Variants in ELFN2 observed in about 807,000 individuals in gnomAD.
The protein encoded by ELFN2 is extracellular leucine rich repeat and fibronectin type III domain containing 2.
In ELFN2, 17 loss-of-function variants were observed where a neutral mutation model predicts 45.5. The observed-to-expected ratio is 0.37, with a 90% CI of 0.26 to 0.56. ELFN2 has a LOEUF of 0.56. Among genes scored for constraint, ELFN2 ranks in the 20% least tolerant of loss-of-function variants. The pLI, the probability that ELFN2 is intolerant of heterozygous loss-of-function variation, is 0.77. For synonymous variants in ELFN2, 550 were observed against 551.5 expected (o/e 1.00, Z 0.04); for missense variants, 922 against 1,183.2 (o/e 0.78, Z 3.24).
intron 1 of ELFN2, among the ~76,000 whole-genome samples, chr22:37,345,386 C>T (rs1930671951): frequency 1.3e-5 from 2 of 152,284 alleles, no homozygotes; most frequent in South Asian, 4.1e-4. Flanking sequence ...CAAGTCGCTC[C>T]ACTTCTCTGA....
Position 37,373,016 on chromosome 22 carries a change from C to T in ELFN2, c.*56G>A, listed in dbSNP as rs1931419910. 6.6e-7 allele frequency: 1 copy of T among 1,526,188 alleles called. No individual in the cohort carries two copies. Among genetic ancestry groups the T allele is most frequent in the Non-Finnish European group, 8.8e-7 (1 of 1,138,048 alleles). 94.5% of individuals were successfully genotyped at this position (1,526,188 alleles called of 1,614,324 possible). ...CCCCGCCCTGGCCGCCTGGACCCTTCCCCCAAAAGGCCCCCAGCCCTCTGG... is the reference window on the plus strand; with the variant it reads ...CCCCGCCCTGGCCGCCTGGACCCTTTCCCCAAAAGGCCCCCAGCCCTCTGG... On this transcript the variant is annotated 3_prime_UTR_variant, in exon 3 of 3. Coordinates refer to ENST00000402918, the MANE Select transcript of ELFN2 (RefSeq NM_052906.5).
At chr22:37,421,807 G>A (rs536375273) in intron 1 of ELFN2, among the ~76,000 whole-genome samples, 26 of 152,208 alleles carry the variant, frequency 1.7e-4, no homozygotes, top group Admixed American at 3.9e-4. Context: ...GACATGAAGT[G>A]GGAGAAATAA....
intron 2 of ELFN2, among the ~76,000 whole-genome samples, chr22:37,396,272 C>T (rs1423721366): frequency 6.6e-6 from 1 of 152,230 alleles, no homozygotes; most frequent in African/African-American, 2.4e-5. Flanking sequence ...TGAAAGTGAG[C>T]TAACACTCCT....
chr22:37,361,649 C>A (rs1320021207), intron 1 of ELFN2, among the ~76,000 whole-genome samples: 2 of 152,134 alleles, frequency 1.3e-5, no homozygotes, highest in Non-Finnish European at 2.9e-5. Flanking sequence ...AACTCAGAGC[C>A]CAGGCCTATC....
intron 1 of ELFN2, among the ~76,000 whole-genome samples, chr22:37,426,632 C>T (rs938624109): frequency 1.5e-5 from 2 of 132,572 alleles, no homozygotes; most frequent in South Asian, 2.3e-4. Context: ...CACTGGCACG[C>T]GCTCGCACAC....
chr22:37,372,906 C>T lies in ELFN2; in HGVS notation c.*166G>A, dbSNP rs1025931885. 9 of 676,380 alleles carry T rather than the reference C, an allele frequency of 1.3e-5. No homozygotes were observed. Among genetic ancestry groups the T allele is most frequent in the Middle Eastern group, 4.0e-4 (1 of 2,472 alleles). The allele number at this position is 676,380 out of a possible 1,614,324, so 41.9% of individuals were successfully genotyped here. On this transcript the variant is annotated 3_prime_UTR_variant, in exon 3 of 3. Transcript: ENST00000402918. This position sits in a 1 kb window ranked among gnomAD's most constrained non-coding sequence, Gnocchi z 4.4. ...TGTCGGATGTTGGTTTGTTCACAGT[C>T]GGGTGGTGGTCAGGTGTGTGTGTGC...
At chr22:37,415,635 G>A (rs1932752223) in intron 2 of ELFN2, among the ~76,000 whole-genome samples, 1 of 152,214 alleles carries the variant, frequency 6.6e-6, no homozygotes, top group Non-Finnish European at 1.5e-5. Context: ...TTCCCTACGC[G>A]TGTCAGGAAA....
Position 37,349,334 on chromosome 22 carries a change from C to G in ELFN2, n.149-6631G>C, listed in dbSNP as rs1339730348. ...ACAGGGGCAGGTAGAAGAGAGGCAC[C>G]CGTGCACAAGGCCCAGCCCTGGGGA... On this transcript the variant is annotated intron_variant and non_coding_transcript_variant, in intron 1 of 2. Transcript: ENST00000452946. 5.3e-5 allele frequency among the ~76,000 whole-genome samples: 8 copies of G among 151,244 alleles called. No homozygotes were observed. In the East Asian group the frequency reaches 1.4e-3, roughly 26 times the overall value.
At chr22:37,363,279 T>C (rs1931129622), downstream of ELFN2, among the ~76,000 whole-genome samples, 1 of 152,160 alleles carries the variant, frequency 6.6e-6, no homozygotes, top group Admixed American at 6.5e-5. Flanking sequence ...TTCACAGCCA[T>C]GGTGCTTAAC....
intron 1 of ELFN2, among the ~76,000 whole-genome samples, chr22:37,356,774 C>T (rs761471610): frequency 2.0e-5 from 3 of 152,200 alleles, no homozygotes; most frequent in Admixed American, 6.5e-5. Flanking sequence ...ACTTTGTCCA[C>T]GTTCCCACAG....
At chr22:37,389,122 G>A (rs534600520) in intron 2 of ELFN2, among the ~76,000 whole-genome samples, 1 of 152,292 alleles carries the variant, frequency 6.6e-6, no homozygotes, top group South Asian at 2.1e-4. Flanking sequence ...GCCTGGCACA[G>A]TGCAGGTGCT....
At position 37,368,985 on chromosome 22, in the gene ELFN2, C is replaced by T. The variant is rs1239409382; in HGVS notation, c.*4087G>A. 1.3e-5 allele frequency: 2 copies of T among 151,706 alleles called. No homozygotes were observed. Among genetic ancestry groups the T allele is most frequent in the Non-Finnish European group, 2.9e-5 (2 of 67,960 alleles). The allele number at this position is 151,706 out of a possible 1,614,324, so 9.4% of individuals were successfully genotyped here. ...ATGCTCCCTGACCAGCCTTGCCCCT[C>T]CCCCATCACCCTATTTTAATTTTCT... is the stretch of plus-strand genomic sequence containing the variant. On this transcript the variant is annotated 3_prime_UTR_variant, in exon 3 of 3. Transcript: ENST00000402918.
At chr22:37,348,507 G>A (rs55744577) in intron 1 of ELFN2, among the ~76,000 whole-genome samples, 21,637 of 150,634 alleles carry the variant, frequency 0.14, 2,556 homozygotes, top group East Asian at 0.26. Flanking sequence ...CCTTCCTGGA[G>A]TGTCTCCGAG....
In ELFN2 at chr22:37,370,913, C is replaced by T. The variant is rs898863185; in HGVS notation, c.*2159G>A. On this transcript the variant is annotated 3_prime_UTR_variant, in exon 3 of 3. Coordinates refer to ENST00000402918, the MANE Select transcript of ELFN2 (RefSeq NM_052906.5). ...ATAACAGGGAGTCTGCTTCCTCACA[C>T]CCCTGGCTTCTCTGCCTGCTTGCTT... is the stretch of plus-strand genomic sequence containing the variant. 2 of 151,854 alleles carry T rather than the reference C, an allele frequency of 1.3e-5. No individual in the cohort carries two copies. Among genetic ancestry groups the T allele is most frequent in the South Asian group, 4.2e-4 (2 of 4,774 alleles). 9.4% of individuals were successfully genotyped at this position (151,854 alleles called of 1,614,324 possible).
chr22:37,394,551 C>T (rs573595721), intron 2 of ELFN2, among the ~76,000 whole-genome samples: 2 of 152,314 alleles, frequency 1.3e-5, no homozygotes, highest in East Asian at 1.9e-4. Context: ...CCCCGTGGAC[C>T]GTCAGGGGGC....
intron 2 of ELFN2, among the ~76,000 whole-genome samples, chr22:37,396,348 C>T (rs1445620010): frequency 6.6e-6 from 1 of 152,188 alleles, no homozygotes; most frequent in Non-Finnish European, 1.5e-5. Context: ...CCCACCATGT[C>T]CCCGGCCCCC....
chr22:37,388,606 G>A (rs1265980133), intron 2 of ELFN2, among the ~76,000 whole-genome samples: 2 of 152,184 alleles, frequency 1.3e-5, no homozygotes, highest in African/African-American at 4.8e-5. Flanking sequence ...GCTCCCTGGG[G>A]AAGTCGGGGA....
At chr22:37,381,350 G>A (rs543477921) in intron 2 of ELFN2, among the ~76,000 whole-genome samples, 2 of 152,186 alleles carry the variant, frequency 1.3e-5, no homozygotes, top group Admixed American at 1.3e-4. Flanking sequence ...AGGGGGAGTT[G>A]TCCACAAGCC....
At chr22:37,410,232 CAG>C (rs766696800) in intron 2 of ELFN2, among the ~76,000 whole-genome samples, 15 of 152,166 alleles carry the variant, frequency 9.9e-5, no homozygotes, top group Non-Finnish European at 1.6e-4. Context: ...GAGAGAGAAA[CAG>C]AACGAATGAG....
Sources: gnomAD v4.1 joint callset for allele counts (sites outside exome capture counted in the v4.1 genomes callset) on GRCh38, gnomAD v4.1.1 for gene constraint, Gnocchi (gnomAD v3.1) non-coding constraint, MANE v1.5 for transcripts, NCBI Gene and HGNC (gene_info 2026-07-23, HGNC 2026-07-21) for gene names.